OLFM3: variants seen among roughly 807,000 people sequenced by gnomAD.
The protein encoded by OLFM3 is noelin-3.
In OLFM3, 20 loss-of-function variants were observed where a neutral mutation model predicts 48.6. That is an observed-to-expected ratio of 0.41 (90% CI 0.29 to 0.60). OLFM3 has a LOEUF of 0.60. Among genes scored for constraint, OLFM3 ranks in the 20% least tolerant of loss-of-function variants. The pLI is 0.28. For synonymous variants in OLFM3, 222 were observed against 198.1 expected (o/e 1.12, Z -1.01); for missense variants, 437 against 544.3 (o/e 0.80, Z 1.96).
intron 1 of OLFM3, among the ~76,000 whole-genome samples, chr1:101,910,423 G>A (rs1259788291): frequency 6.7e-5 from 10 of 150,086 alleles, no homozygotes; most frequent in African/African-American, 2.0e-4. Flanking sequence ...CCGAGATCAC[G>A]CCACTGCACT....
intron 1 of OLFM3, among the ~76,000 whole-genome samples, chr1:101,976,595 A>T (rs911900687): frequency 6.6e-6 from 1 of 152,152 alleles, no homozygotes; most frequent in Non-Finnish European, 1.5e-5. Flanking sequence ...TTCCCACAAT[A>T]ATCTTATAAG....
intron 1 of OLFM3, among the ~76,000 whole-genome samples, chr1:101,963,151 T>C (rs905710288): frequency 2.0e-5 from 3 of 152,182 alleles, no homozygotes; most frequent in African/African-American, 7.2e-5. Flanking sequence ...TGCTTCTGGG[T>C]CGCCCTATTG....
intron 1 of OLFM3, among the ~76,000 whole-genome samples, chr1:101,918,167 TAAAG>T (rs1352427332): frequency 2.0e-5 from 3 of 151,944 alleles, no homozygotes; most frequent in Non-Finnish European, 2.9e-5. Flanking sequence ...CTGTAAAAAA[TAAAG>T]AGATGAAGGA....
At chr1:101,918,897 T>G (rs1376852437) in intron 1 of OLFM3, among the ~76,000 whole-genome samples, 1 of 152,206 alleles carries the variant, frequency 6.6e-6, no homozygotes, top group Admixed American at 6.5e-5. Context: ...ACAGGGAAGA[T>G]GATAAGGCCA....
At chr1:101,968,882 G>T (rs1413857799) in intron 1 of OLFM3, among the ~76,000 whole-genome samples, 1 of 152,216 alleles carries the variant, frequency 6.6e-6, no homozygotes, top group Non-Finnish European at 1.5e-5. Flanking sequence ...TTTTAGGAAA[G>T]ATAACAAGGA....
chr1:101,825,448 T>C (rs1654816967), intron 3 of OLFM3, among the ~76,000 whole-genome samples: 1 of 152,228 alleles, frequency 6.6e-6, no homozygotes, highest in Non-Finnish European at 1.5e-5. Context: ...CTTTTCCATA[T>C]GAGAATCTTT....
chr1:101,884,919 GAGA>G lies in OLFM3; in HGVS notation c.70-47897_70-47895del, dbSNP rs549361370. 3.3e-3 allele frequency among the ~76,000 whole-genome samples: 508 copies of G among 152,122 alleles called. 3 individuals carry two copies. Among genetic ancestry groups the G allele is most frequent in the African/African-American group, 8.5e-3 (354 of 41,542 alleles). ...CACGTTTCTAATTCAGCCTGTAGAT[GAGA>G]AGGTCATAAGAACCTATAAGGCTCA... On this transcript the variant is annotated intron_variant, in intron 1 of 5. Transcript: ENST00000370103.
chr1:101,816,269 C>T (rs1416020503), intron 4 of OLFM3, among the ~76,000 whole-genome samples: 1 of 151,866 alleles, frequency 6.6e-6, no homozygotes, highest in Non-Finnish European at 1.5e-5. Flanking sequence ...AGCAGGGAGA[C>T]AGGAGTAGGA....
chr1:101,959,069 G>A (rs1170213623), intron 1 of OLFM3, among the ~76,000 whole-genome samples: 2 of 148,522 alleles, frequency 1.3e-5, no homozygotes, highest in Admixed American at 1.4e-4. Flanking sequence ...CCCGGTCTTA[G>A]CCCCTGGTGT....
At chr1:101,994,447 T>C (rs2101126138) in intron 1 of OLFM3, among the ~76,000 whole-genome samples, 1 of 150,700 alleles carries the variant, frequency 6.6e-6, no homozygotes, top group African/African-American at 2.4e-5. Flanking sequence ...GCTTTATGAA[T>C]CCTGACTTTT....
At chr1:101,897,151 T>C (rs1359337244) in intron 1 of OLFM3, among the ~76,000 whole-genome samples, 2 of 152,128 alleles carry the variant, frequency 1.3e-5, no homozygotes, top group Non-Finnish European at 2.9e-5. Context: ...CAACTACCTG[T>C]AGAAAAGTAA....
At chr1:101,841,107 C>G (rs1159949762) in intron 1 of OLFM3, among the ~76,000 whole-genome samples, 1 of 152,028 alleles carries the variant, frequency 6.6e-6, no homozygotes, top group Non-Finnish European at 1.5e-5. Flanking sequence ...AAATATAAAG[C>G]TAGTATATGA....
chr1:101,967,382 G>A (rs1660644109), intron 1 of OLFM3, among the ~76,000 whole-genome samples: 2 of 151,860 alleles, frequency 1.3e-5, no homozygotes, highest in African/African-American at 4.8e-5. Context: ...TGCAGTCTAA[G>A]CTGCTGTAGC....
At chr1:101,965,211 T>G (rs1028412041) in intron 1 of OLFM3, among the ~76,000 whole-genome samples, 2 of 152,164 alleles carry the variant, frequency 1.3e-5, no homozygotes, top group Non-Finnish European at 2.9e-5. Flanking sequence ...TAACTTCAAA[T>G]AACCTGAATA....
intron 1 of OLFM3, among the ~76,000 whole-genome samples, chr1:101,944,374 A>T (rs1218519180): frequency 4.6e-5 from 7 of 152,142 alleles, no homozygotes; most frequent in African/African-American, 1.4e-4. Context: ...AGAAAATGAA[A>T]AGTGGTAGTT....
At chr1:101,890,835 G>A (rs1367911252) in intron 1 of OLFM3, among the ~76,000 whole-genome samples, 1 of 151,876 alleles carries the variant, frequency 6.6e-6, no homozygotes, top group African/African-American at 2.4e-5. Context: ...AATAATTTGG[G>A]AAGATTTGAG....
At chr1:101,813,231 A>T (rs1397680931) in intron 4 of OLFM3, 1 of 411,566 alleles carries the variant, frequency 2.4e-6, no homozygotes, top group African/African-American at 2.1e-5. Context: ...TGCACTAAAT[A>T]TTTGTCAATA....
intron 1 of OLFM3, among the ~76,000 whole-genome samples, chr1:101,909,365 A>AT (rs1204267932): frequency 6.6e-6 from 1 of 152,258 alleles, no homozygotes; most frequent in Non-Finnish European, 1.5e-5. Flanking sequence ...TATAAATAAC[A>AT]TTTTTTGTAC....
At chr1:101,949,517 T>C (rs949264208) in intron 1 of OLFM3, among the ~76,000 whole-genome samples, 6 of 152,176 alleles carry the variant, frequency 3.9e-5, no homozygotes, top group African/African-American at 1.4e-4. Flanking sequence ...TGTACAAATA[T>C]ACATTAGTAT....
Sources: gnomAD v4.1 joint callset for allele counts (sites outside exome capture counted in the v4.1 genomes callset) on GRCh38, gnomAD v4.1.1 for gene constraint, MANE v1.5 for transcripts, NCBI Gene and HGNC (gene_info 2026-07-23, HGNC 2026-07-21) for gene names.